The following CLIP2 variants were observed in gnomAD, a reference collection of about 807,000 sequenced individuals.
CLIP2 encodes CAP-Gly domain-containing linker protein 2.
CLIP2 carries 41 observed loss-of-function variants against 111.7 expected under a neutral mutation model. The observed-to-expected ratio is 0.37, with a 90% confidence interval of 0.29 to 0.48. The LOEUF is 0.48. Among genes scored for constraint, CLIP2 ranks in the 20% least tolerant of loss-of-function variants. The pLI, the probability that CLIP2 is intolerant of heterozygous loss-of-function variation, is 0.99. For missense variants in CLIP2, 1,160 were observed against 1,422.1 expected (o/e 0.82, Z 2.96); for synonymous variants, 660 against 644.2 (o/e 1.02, Z -0.37).
At chr7:74,403,774 C>T (rs1453778468) in intron 16 of CLIP2, 63 bp from the exon 17 acceptor site, 32 of 1,593,656 alleles carry the variant, frequency 2.0e-5, no homozygotes, top group Non-Finnish European at 2.8e-5. Flanking sequence ...TGACTCCCCT[C>T]TGGCCGCCTG....
intron 1 of CLIP2, among the ~76,000 whole-genome samples, chr7:74,292,206 G>A (rs1788043242): frequency 6.6e-6 from 1 of 152,056 alleles, no homozygotes; most frequent in South Asian, 2.1e-4. Flanking sequence ...ACAGGCGTGA[G>A]CCACTGCACC....
chr7:74,358,154 C>T (rs1554308933), intron 6 of CLIP2, among the ~76,000 whole-genome samples: 2 of 151,614 alleles, frequency 1.3e-5, no homozygotes, highest in South Asian at 4.2e-4. Flanking sequence ...CAGGTTCAAG[C>T]GATTCTCCTG....
chr7:74,316,129 G>A (rs1046737474), intron 1 of CLIP2, among the ~76,000 whole-genome samples: 10 of 149,456 alleles, frequency 6.7e-5, no homozygotes, highest in Admixed American at 3.4e-4. Flanking sequence ...GAGAACATGT[G>A]GTGTTTGGTT....
chr7:74,333,044 G>A (rs935903232), intron 2 of CLIP2, among the ~76,000 whole-genome samples: 5 of 152,302 alleles, frequency 3.3e-5, no homozygotes, highest in South Asian at 2.1e-4. Context: ...GCAGGACCAC[G>A]CCACCAGCTG....
chr7:74,395,388 C>T (rs1411229729), intron 13 of CLIP2, among the ~76,000 whole-genome samples: 1 of 152,078 alleles, frequency 6.6e-6, no homozygotes, highest in Non-Finnish European at 1.5e-5. Flanking sequence ...GACTCATGAC[C>T]TCAAGTAATC....
At chr7:74,402,260 G>A (rs530066412) in intron 16 of CLIP2, among the ~76,000 whole-genome samples, 1 of 151,430 alleles carries the variant, frequency 6.6e-6, no homozygotes, top group East Asian at 1.9e-4. Context: ...AACCCGGAAG[G>A]CGGAGCTTGC....
intron 8 of CLIP2, among the ~76,000 whole-genome samples, chr7:74,366,859 G>A (rs1293416314): frequency 7.8e-6 from 1 of 128,700 alleles, no homozygotes; most frequent in Non-Finnish European, 1.6e-5. Flanking sequence ...CTGGGCAGCA[G>A]AGTGAGACTC....
At chr7:74,325,660 C>A (rs1789087790) in intron 2 of CLIP2, among the ~76,000 whole-genome samples, 1 of 151,828 alleles carries the variant, frequency 6.6e-6, no homozygotes, top group Non-Finnish European at 1.5e-5. Flanking sequence ...GGTGAATCCT[C>A]GTCTCTACTA....
intron 13 of CLIP2, among the ~76,000 whole-genome samples, chr7:74,391,450 A>G (rs1388244568): frequency 6.6e-6 from 1 of 152,174 alleles, no homozygotes; most frequent in African/African-American, 2.4e-5. Context: ...TTAGCATCCA[A>G]TGAGCTAGAT....
intron 2 of CLIP2, among the ~76,000 whole-genome samples, chr7:74,334,360 T>G (rs1789388332): frequency 1.3e-5 from 2 of 152,042 alleles, no homozygotes; most frequent in Non-Finnish European, 2.9e-5. Flanking sequence ...TTGAAACAAC[T>G]GGTCCCTGGG....
At chr7:74,391,506 A>C (rs1448475605) in intron 13 of CLIP2, among the ~76,000 whole-genome samples, 2 of 150,252 alleles carry the variant, frequency 1.3e-5, no homozygotes, top group Non-Finnish European at 2.9e-5. Flanking sequence ...GCCTTTAAGA[A>C]ATTAGACTAA....
At chr7:74,326,005 G>A (rs534790707) in intron 2 of CLIP2, among the ~76,000 whole-genome samples, 46 of 151,818 alleles carry the variant, frequency 3.0e-4, no homozygotes, top group African/African-American at 1.0e-3. Flanking sequence ...TTGGGAGGCC[G>A]AGGAGGGCAG....
intron 15 of CLIP2, among the ~76,000 whole-genome samples, 172 bp downstream of exon 15, chr7:74,400,727 G>A (rs1416907077): frequency 6.6e-6 from 1 of 151,922 alleles, no homozygotes; most frequent in Non-Finnish European, 1.5e-5. Context: ...CAGAAACCCT[G>A]GTTTGAAGAA....
rs1291983381 is a variant in CLIP2, at chr7:74,403,873, C to G, written c.*25C>G. 6.2e-7 allele frequency: 1 copy of G among 1,612,570 alleles called. No homozygotes were observed. Among genetic ancestry groups the G allele is most frequent in the East Asian group, 2.2e-5 (1 of 44,872 alleles). On this transcript the variant is annotated 3_prime_UTR_variant, in exon 17 of 17. Transcript: ENST00000223398. ...ATCCTGAGGGGATACTGTGGAGCAG[C>G]CCAGTCCACACCAGAGCCCCACGCG... is the stretch of plus-strand genomic sequence containing the variant.
intron 2 of CLIP2, among the ~76,000 whole-genome samples, chr7:74,318,390 A>G (rs1788848410): frequency 6.6e-6 from 1 of 152,032 alleles, no homozygotes; most frequent in Admixed American, 6.6e-5. Flanking sequence ...AACTAGCAGC[A>G]ATTTCTTACC....
intron 11 of CLIP2, chr7:74,381,467 A>C (rs1554313901): frequency 2.7e-6 from 1 of 374,598 alleles, no homozygotes; most frequent in African/African-American, 2.1e-5. Context: ...GATTACAGGC[A>C]TGAGCCACCG....
At chr7:74,332,460 CTTTTTTTTT>C (rs386410474) in intron 2 of CLIP2, among the ~76,000 whole-genome samples, 1 of 110,324 alleles carries the variant, frequency 9.1e-6, no homozygotes, top group Non-Finnish European at 1.8e-5. Flanking sequence ...CTAGAATTCT[CTTTTTTTTT>C]TTTTTTTTTT....
At chr7:74,364,810 C>T (rs1554310469) in intron 8 of CLIP2, 1 of 452,478 alleles carries the variant, frequency 2.2e-6, no homozygotes, top group Admixed American at 2.4e-5. Flanking sequence ...TCACTTGAGC[C>T]CAGAAGTTCA....
intron 1 of CLIP2, among the ~76,000 whole-genome samples, chr7:74,305,992 C>T (rs1449693150): frequency 6.6e-6 from 1 of 151,986 alleles, no homozygotes; most frequent in Non-Finnish European, 1.5e-5. Context: ...AGCCTGATTG[C>T]TGGGGCACGT....
Sources: gnomAD v4.1 joint callset for allele counts (sites outside exome capture counted in the v4.1 genomes callset) on GRCh38, gnomAD v4.1.1 for gene constraint, MANE v1.5 for transcripts, NCBI Gene and HGNC (gene_info 2026-07-23, HGNC 2026-07-21) for gene names.